RANBP17: variants seen among roughly 807,000 people sequenced by gnomAD.
RANBP17 encodes ran-binding protein 17.
In RANBP17, 158 loss-of-function variants were observed where a neutral mutation model predicts 141.2. That is an observed-to-expected ratio of 1.12 (90% CI 0.98 to 1.28). RANBP17 has a LOEUF of 1.28. RANBP17 is among the 50% of genes most tolerant of loss of function. The pLI is 0.00. For synonymous variants in RANBP17, 430 were observed against 450.0 expected (o/e 0.96, Z 0.56); for missense variants, 1,438 against 1,290.7 (o/e 1.11, Z -1.75).
intron 14 of RANBP17, among the ~76,000 whole-genome samples, chr5:171,092,195 A>G (rs1014041408): frequency 3.3e-5 from 5 of 152,318 alleles, no homozygotes; most frequent in Admixed American, 3.3e-4. Context: ...CAAAGGAAAA[A>G]AATTTCCTTT....
intron 24 of RANBP17, among the ~76,000 whole-genome samples, chr5:171,243,572 A>T (rs529225447): frequency 1.3e-5 from 2 of 152,242 alleles, no homozygotes; most frequent in South Asian, 4.1e-4. Flanking sequence ...TGCTAAGTGT[A>T]TTTTTAACAT....
Position 171,299,597 on chromosome 5 carries a change from A to G in RANBP17, c.*739A>G, listed in dbSNP as rs1006878395. ...GAAGTTCTGGGTGGTGCCAGCACCC[A>G]GTCCTCTGCCTCCATTTAATTTTTA... On this transcript the variant is annotated 3_prime_UTR_variant, in exon 28 of 28. Transcript: ENST00000523189. The G allele has an allele frequency of 6.5e-5, 15 of 231,936 alleles. No individual in the cohort carries two copies. The highest frequency in any genetic ancestry group is 9.4e-5 in the Non-Finnish European group (11 of 117,152). 14.4% of individuals were successfully genotyped at this position (231,936 alleles called of 1,614,324 possible).
At position 170,937,182 on chromosome 5, in the gene RANBP17, T is replaced by G. The variant is rs146320894; in HGVS notation, c.1468+12632T>G. On this transcript the variant is annotated intron_variant, in intron 12 of 27. Coordinates refer to ENST00000523189, the MANE Select transcript of RANBP17 (RefSeq NM_022897.5). ...TTATTTCCTTAGAATGGGAGTTTCATATCTCATTTTCATATCACACTGGTA... is the reference window on the plus strand; with the variant it reads ...TTATTTCCTTAGAATGGGAGTTTCAGATCTCATTTTCATATCACACTGGTA... Among the ~76,000 whole-genome samples the G allele has an allele frequency of 2.1e-3, 326 of 152,338 alleles. 2 individuals carry two copies. Among genetic ancestry groups the G allele is most frequent in the Non-Finnish European group, 3.7e-3 (253 of 68,022 alleles).
Position 170,924,553 on chromosome 5 carries a change from C to A in RANBP17, c.1468+3C>A. On this transcript the variant is annotated splice_donor_region_variant and intron_variant, in intron 12 of 27. Transcript: ENST00000523189. ...TGTGGACATCACCATTCAGGAAGGT[C>A]AGTAAACTTTATATGACTACTGAGT... 6.3e-7 allele frequency: 1 copy of A among 1,582,186 alleles called. No individual in the cohort carries two copies. The highest frequency in any genetic ancestry group is 8.7e-7 in the Non-Finnish European group (1 of 1,154,178).
intron 25 of RANBP17, among the ~76,000 whole-genome samples, chr5:171,275,377 C>G (rs1430989300): frequency 6.6e-6 from 1 of 152,124 alleles, no homozygotes; most frequent in African/African-American, 2.4e-5. Context: ...AAATAACTGT[C>G]AAAGTCATCT....
chr5:171,133,450 A>G (rs1356408386), intron 14 of RANBP17, among the ~76,000 whole-genome samples: 3 of 152,166 alleles, frequency 2.0e-5, no homozygotes, highest in Admixed American at 6.5e-5. Flanking sequence ...ATGCATTTCA[A>G]GTATCATTAT....
intron 12 of RANBP17, among the ~76,000 whole-genome samples, chr5:170,950,997 A>G (rs1230088682): frequency 6.6e-6 from 1 of 152,140 alleles, no homozygotes; most frequent in African/African-American, 2.4e-5. Context: ...GTTCTTATAC[A>G]TATGTGGGAC....
At chr5:171,283,972 G>A (rs190475528) in intron 25 of RANBP17, among the ~76,000 whole-genome samples, 5 of 152,238 alleles carry the variant, frequency 3.3e-5, no homozygotes, top group Admixed American at 1.3e-4. Flanking sequence ...TGCATGAGAC[G>A]CCCTCGTGCC....
intron 18 of RANBP17, among the ~76,000 whole-genome samples, chr5:171,184,704 A>G (rs1761115826): frequency 6.6e-6 from 1 of 152,172 alleles, no homozygotes; most frequent in Non-Finnish European, 1.5e-5. Context: ...ATGTACCTCA[A>G]ATATATTGCA....
At chr5:170,930,963 C>T (rs1773322011) in intron 12 of RANBP17, among the ~76,000 whole-genome samples, 1 of 152,152 alleles carries the variant, frequency 6.6e-6, no homozygotes, top group Non-Finnish European at 1.5e-5. Context: ...ATTTCTAGTT[C>T]TAGATCCTTG....
chr5:170,904,240 T>C (rs1770895015), intron 5 of RANBP17: 2 of 265,520 alleles, frequency 7.5e-6, no homozygotes, highest in South Asian at 5.8e-5. Context: ...ATAACACATA[T>C]GTGAAGCCCA....
At position 171,218,100 on chromosome 5, in the gene RANBP17, C is replaced by T. The variant is rs149814229; in HGVS notation, c.2340-3658C>T. Among the ~76,000 whole-genome samples, 575 of 152,262 alleles carry T rather than the reference C, an allele frequency of 3.8e-3. 2 individuals are homozygous for T. The highest frequency in any genetic ancestry group is 0.013 in the African/African-American group (524 of 41,552). ...TTCTAGTACGTTGTCTCTTTGTTCT[C>T]ATTGGTTTTAAGGAACTAATTTTTT... On this transcript the variant is annotated intron_variant, in intron 21 of 27. Coordinates refer to ENST00000523189, the MANE Select transcript of RANBP17 (RefSeq NM_022897.5).
At chr5:171,034,728 A>G (rs999353479) in intron 14 of RANBP17, among the ~76,000 whole-genome samples, 1 of 152,264 alleles carries the variant, frequency 6.6e-6, no homozygotes, top group African/African-American at 2.4e-5. Context: ...AGAAATGTGC[A>G]TATTAAATCT....
chr5:171,027,033 G>A (rs967319778), intron 14 of RANBP17, among the ~76,000 whole-genome samples: 1 of 152,144 alleles, frequency 6.6e-6, no homozygotes, highest in East Asian at 1.9e-4. Flanking sequence ...CTCCTCATGA[G>A]ACTCTAATGC....
chr5:171,088,173 C>T (rs1785847969), intron 14 of RANBP17, among the ~76,000 whole-genome samples: 2 of 151,748 alleles, frequency 1.3e-5, no homozygotes, highest in Non-Finnish European at 2.9e-5. Context: ...GTGACAAAAT[C>T]GGTCAGCATT....
In RANBP17 at chr5:170,919,487, G is replaced by T. The variant is rs1384770830; in HGVS notation, c.1148G>T (p.Trp383Leu). The change falls in exon 11 of 28, where the codon TGG becomes TTG. Residue 383 changes from tryptophan (W) to leucine (L), a missense_variant. Physicochemically the swap from Trp to Leu is moderately conservative, Grantham distance 61. Coordinates refer to ENST00000523189, the MANE Select transcript of RANBP17 (RefSeq NM_022897.5). The part of the protein sequence containing the change: ...PNSVHYLLTL[W>L]QRMVASVPFV... ...AGTGTTCATTATTTATTAACTCTGTGGCAAAGGATGGTAGCATCTGTTCCT... is the reference window on the plus strand; with the variant it reads ...AGTGTTCATTATTTATTAACTCTGTTGCAAAGGATGGTAGCATCTGTTCCT... 3.1e-6 allele frequency: 5 copies of T among 1,609,258 alleles called. No individual in the cohort carries two copies. In the South Asian group the frequency reaches 5.5e-5, roughly 18 times the overall value.
intron 12 of RANBP17, among the ~76,000 whole-genome samples, chr5:170,943,310 TTATTA>T (rs1272622013): frequency 1.6e-4 from 25 of 152,164 alleles, no homozygotes; most frequent in Non-Finnish European, 3.4e-4. Context: ...AATAAGTTTA[TTATTA>T]TATTATGATC....
intron 25 of RANBP17, among the ~76,000 whole-genome samples, chr5:171,273,063 G>T (rs1258204787): frequency 6.6e-6 from 1 of 152,150 alleles, no homozygotes; most frequent in Admixed American, 6.5e-5. Flanking sequence ...TAATGCCTCC[G>T]AGGTAGCTCT....
chr5:170,897,174 C>T (rs1214812095), intron 5 of RANBP17: 18 of 763,772 alleles, frequency 2.4e-5, no homozygotes, highest in South Asian at 4.0e-5. Flanking sequence ...ATCACTGATA[C>T]TTATGGCTCC....
Sources: gnomAD v4.1 joint callset for allele counts (sites outside exome capture counted in the v4.1 genomes callset) on GRCh38, gnomAD v4.1.1 for gene constraint, MANE v1.5 for transcripts, NCBI Gene and HGNC (gene_info 2026-07-23, HGNC 2026-07-21) for gene names.